Variants in SCFD2 observed in about 807,000 individuals in gnomAD.
The protein encoded by SCFD2 is sec1 family domain-containing protein 2.
Under a neutral mutation model 58.9 loss-of-function variants are expected in SCFD2, and 54 were observed. The observed-to-expected ratio is 0.92, with a 90% CI of 0.74 to 1.15. The LOEUF (loss-of-function observed/expected upper bound fraction) is 1.15, where lower values mean the gene tolerates loss of function less well. SCFD2 is among the 50% of genes most tolerant of loss of function. The probability of loss-of-function intolerance (pLI) is 0.00; values close to 1 mark genes in which losing one functional copy is unlikely to be tolerated. For synonymous variants in SCFD2, 321 were observed against 335.9 expected (o/e 0.96, Z 0.49); for missense variants, 805 against 836.6 (o/e 0.96, Z 0.47).
At chr4:53,237,927 C>T (rs1232796284) in intron 4 of SCFD2, among the ~76,000 whole-genome samples, 7 of 119,886 alleles carry the variant, frequency 5.8e-5, no homozygotes, top group Admixed American at 7.7e-5. Flanking sequence ...ACCTCCCTTC[C>T]GGACGGGGCG....
intron 4 of SCFD2, among the ~76,000 whole-genome samples, chr4:53,217,736 A>T (rs1279899545): frequency 6.6e-6 from 1 of 152,124 alleles, no homozygotes; most frequent in East Asian, 1.9e-4. Flanking sequence ...TCTTCATGGT[A>T]TCAATGGTCT....
intron 5 of SCFD2, chr4:52,956,787 A>G (rs1433754690): frequency 1.9e-5 from 3 of 154,166 alleles, no homozygotes; most frequent in African/African-American, 4.8e-5. Flanking sequence ...GGATTCTCAG[A>G]AGGAGGGCTG....
intron 2 of SCFD2, among the ~76,000 whole-genome samples, chr4:53,337,833 AT>A (rs1733731370): frequency 6.6e-6 from 1 of 152,206 alleles, no homozygotes; most frequent in Non-Finnish European, 1.5e-5. Flanking sequence ...CAATTTGTGC[AT>A]TTCTCAATTT....
chr4:53,169,305 T>A (rs113940739), intron 4 of SCFD2, among the ~76,000 whole-genome samples: 60 of 152,180 alleles, frequency 3.9e-4, no homozygotes, highest in African/African-American at 1.4e-3. Flanking sequence ...CAGTTTTCAG[T>A]GAGCCGAGAT....
At chr4:53,351,460 T>C (rs934337919) in intron 2 of SCFD2, among the ~76,000 whole-genome samples, 2 of 152,204 alleles carry the variant, frequency 1.3e-5, no homozygotes, top group Non-Finnish European at 2.9e-5. Context: ...TCTATTCTTT[T>C]CAAATTATGC....
chr4:52,875,745 A>G (rs1718454247), intron 8 of SCFD2, among the ~76,000 whole-genome samples: 1 of 145,828 alleles, frequency 6.9e-6, no homozygotes, highest in African/African-American at 2.5e-5. Flanking sequence ...TTTTCTGTTT[A>G]AAAAACTTAG....
chr4:52,942,914 A>G (rs922569103), intron 5 of SCFD2, among the ~76,000 whole-genome samples: 3 of 152,028 alleles, frequency 2.0e-5, no homozygotes, highest in Admixed American at 2.0e-4. Context: ...TAAGGATATG[A>G]CCTATATAAA....
chr4:52,968,520 T>C (rs909046130), intron 5 of SCFD2, among the ~76,000 whole-genome samples: 3 of 152,072 alleles, frequency 2.0e-5, no homozygotes, highest in Non-Finnish European at 4.4e-5. Context: ...GTATGTGTGT[T>C]CAGCATTTAT....
chr4:53,313,403 T>G (rs1732750957), intron 3 of SCFD2, among the ~76,000 whole-genome samples: 1 of 152,190 alleles, frequency 6.6e-6, no homozygotes, highest in Non-Finnish European at 1.5e-5. Context: ...CTAAAATAAT[T>G]ATTCTTTGTA....
At chr4:53,217,550 T>C (rs924652966) in intron 4 of SCFD2, among the ~76,000 whole-genome samples, 2 of 152,184 alleles carry the variant, frequency 1.3e-5, no homozygotes, top group African/African-American at 4.8e-5. Flanking sequence ...GCACGTGAGA[T>C]GGGTCTTGTG....
At chr4:52,976,104 C>T (rs2109559096) in intron 5 of SCFD2, among the ~76,000 whole-genome samples, 1 of 152,076 alleles carries the variant, frequency 6.6e-6, no homozygotes, top group Admixed American at 6.5e-5. Flanking sequence ...AGCACACCAA[C>T]ATGGCACGTG....
chr4:53,039,533 A>G (rs1722842540), intron 5 of SCFD2, among the ~76,000 whole-genome samples: 1 of 152,096 alleles, frequency 6.6e-6, no homozygotes. Context: ...TATTGGGCCA[A>G]TCTTCTCACC....
intron 4 of SCFD2, among the ~76,000 whole-genome samples, chr4:53,238,520 C>T (rs1347417046): frequency 6.6e-6 from 1 of 151,476 alleles, no homozygotes; most frequent in African/African-American, 2.4e-5. Flanking sequence ...ACCTCCCTCC[C>T]GGATGGGGTG....
intron 7 of SCFD2, among the ~76,000 whole-genome samples, chr4:52,907,203 G>A (rs1166762728): frequency 6.6e-6 from 1 of 152,204 alleles, no homozygotes; most frequent in Non-Finnish European, 1.5e-5. Flanking sequence ...GTCCCAGAGA[G>A]ATTGTGTCCT....
chr4:53,122,263 G>T (rs562844493), intron 5 of SCFD2, among the ~76,000 whole-genome samples: 8 of 152,066 alleles, frequency 5.3e-5, no homozygotes, highest in Non-Finnish European at 1.0e-4. Flanking sequence ...TATAATCCCA[G>T]TTACTCAGGA....
intron 5 of SCFD2, among the ~76,000 whole-genome samples, chr4:53,018,346 T>C (rs151272049): frequency 5.1e-4 from 77 of 152,316 alleles, no homozygotes; most frequent in African/African-American, 1.8e-3. Flanking sequence ...TGATAGAACA[T>C]GTACACCCAG....
At chr4:53,022,306 T>C (rs1157163784) in intron 5 of SCFD2, among the ~76,000 whole-genome samples, 1 of 152,180 alleles carries the variant, frequency 6.6e-6, no homozygotes, top group Non-Finnish European at 1.5e-5. Context: ...TATCTTTCTA[T>C]TCCCCTCCAC....
chr4:53,234,216 G>A (rs1437811183), intron 4 of SCFD2, among the ~76,000 whole-genome samples: 1 of 152,152 alleles, frequency 6.6e-6, no homozygotes, highest in Non-Finnish European at 1.5e-5. Flanking sequence ...TTACTGTCTA[G>A]CAGACAGCAT....
rs1432202634 is a variant in SCFD2 at position 53,204,259 on chromosome 4, T to C, written c.1312-58677A>G. ...TGCAGAAAGTTTCTAACATGGAATA[T>C]GGAAGATAAAACAACTTTTTTTAAA... On this transcript the variant is annotated intron_variant, in intron 4 of 8. Coordinates refer to ENST00000401642, the MANE Select transcript of SCFD2 (RefSeq NM_152540.4). Among the ~76,000 whole-genome samples, 2 of 151,988 alleles carry C rather than the reference T, an allele frequency of 1.3e-5. 1 individual carries two copies. The highest frequency in any genetic ancestry group is 4.8e-5 in the African/African-American group (2 of 41,320).
Sources: allele counts gnomAD v4.1 joint callset (sites outside exome capture counted in the v4.1 genomes callset), GRCh38; gene constraint gnomAD v4.1.1; transcripts MANE v1.5; gene names NCBI Gene and HGNC (gene_info 2026-07-23, HGNC 2026-07-21).